LRRC4C: variants seen among roughly 807,000 people sequenced by gnomAD.
LRRC4C encodes leucine rich repeat containing 4C.
Under a neutral mutation model 33.6 loss-of-function variants are expected in LRRC4C, and 5 were observed. The observed-to-expected ratio is 0.15, with a 90% confidence interval of 0.08 to 0.31. The LOEUF is 0.31. LRRC4C is among the 10% of genes least tolerant of loss of function. The pLI, the probability that LRRC4C is intolerant of heterozygous loss-of-function variation, is 1.00. For missense variants in LRRC4C, 560 were observed against 796.7 expected, an observed-to-expected ratio of 0.70 and a Z score of 3.58; for synonymous variants, 329 against 302.0, an observed-to-expected ratio of 1.09 and a Z score of -0.93.
At chr11:40,321,804 C>T (rs1945861130) in intron 3 of LRRC4C, among the ~76,000 whole-genome samples, 1 of 152,234 alleles carries the variant, frequency 6.6e-6, no homozygotes, top group Non-Finnish European at 1.5e-5. Flanking sequence ...TTTTGCATTC[C>T]ATTTCAATTG....
chr11:41,050,680 C>G (rs907104091), intron 1 of LRRC4C, among the ~76,000 whole-genome samples: 10 of 152,038 alleles, frequency 6.6e-5, no homozygotes, highest in African/African-American at 2.4e-4. Flanking sequence ...ATTTTTTTAT[C>G]CAGTCTATCA....
chr11:40,575,205 G>GAGAA (rs1281771264), intron 3 of LRRC4C, among the ~76,000 whole-genome samples: 2 of 152,128 alleles, frequency 1.3e-5, no homozygotes, highest in African/African-American at 2.4e-5. Context: ...GTGAGTGAAA[G>GAGAA]AGAAAGAGCA....
At chr11:40,572,355 G>C (rs1314578729) in intron 3 of LRRC4C, among the ~76,000 whole-genome samples, 2 of 152,160 alleles carry the variant, frequency 1.3e-5, no homozygotes, top group Non-Finnish European at 2.9e-5. Flanking sequence ...AACAGCAGAT[G>C]TAGCAGTATA....
intron 2 of LRRC4C, among the ~76,000 whole-genome samples, chr11:40,744,869 T>C (rs755987114): frequency 1.8e-4 from 27 of 152,168 alleles, no homozygotes; most frequent in Admixed American, 3.3e-4. Flanking sequence ...AGTTTTCTTA[T>C]TGAGGGAAAT....
At chr11:40,411,067 G>A (rs1312733626) in intron 3 of LRRC4C, among the ~76,000 whole-genome samples, 3 of 152,066 alleles carry the variant, frequency 2.0e-5, no homozygotes, top group Non-Finnish European at 4.4e-5. Flanking sequence ...AAACAGGACT[G>A]TAATCTCCTG....
chr11:40,447,436 T>A (rs1399335619), intron 3 of LRRC4C, among the ~76,000 whole-genome samples: 3 of 152,164 alleles, frequency 2.0e-5, no homozygotes, highest in African/African-American at 7.2e-5. Flanking sequence ...GGATTATTTA[T>A]CTCAACTAAA....
intron 1 of LRRC4C, among the ~76,000 whole-genome samples, chr11:40,990,165 C>T (rs1236064059): frequency 2.1e-5 from 3 of 144,244 alleles, no homozygotes; most frequent in Non-Finnish European, 4.5e-5. Flanking sequence ...TTTTACAGTA[C>T]TACAACTGGA....
chr11:41,163,298 T>TTTTTTTTTTTTTC lies in LRRC4C; in HGVS notation c.-495-229576_-495-229575insGAAAAAAAAAAAA, dbSNP rs1456325870. On this transcript the variant is annotated intron_variant, in intron 1 of 6. Transcript: ENST00000528697. The stretch of plus-strand genomic sequence containing the variant: ...TTACTGTAACTGTTTTTTTTTTTTT[T>TTTTTTTTTTTTTC]TTTCAAACAGGGTCTTGCTCTGTCA... Among the ~76,000 whole-genome samples, 462 of 133,006 alleles carry TTTTTTTTTTTTTC rather than the reference T, an allele frequency of 3.5e-3. 37 individuals are homozygous for TTTTTTTTTTTTTC. The highest frequency in any genetic ancestry group is 5.8e-3 in the Non-Finnish European group (358 of 61,988). The allele number at this position is 133,006 out of a possible 152,430, so 87.3% of individuals were successfully genotyped here. A position where few individuals can be genotyped will look rare whatever the true frequency, so the allele number is the denominator to read the frequency against.
At chr11:40,435,165 T>C (rs1951094374) in intron 3 of LRRC4C, among the ~76,000 whole-genome samples, 1 of 152,148 alleles carries the variant, frequency 6.6e-6, no homozygotes, top group Admixed American at 6.5e-5. Flanking sequence ...CAGGCTTTGT[T>C]TATGCTTTAT....
intron 1 of LRRC4C, among the ~76,000 whole-genome samples, chr11:41,263,153 A>C (rs1311831759): frequency 6.6e-6 from 1 of 152,198 alleles, no homozygotes; most frequent in Non-Finnish European, 1.5e-5. Context: ...TTTACTAACC[A>C]AAACTGTTGG....
chr11:41,230,293 T>C (rs898712706), intron 1 of LRRC4C, among the ~76,000 whole-genome samples: 6 of 152,088 alleles, frequency 3.9e-5, no homozygotes, highest in Non-Finnish European at 7.4e-5. Flanking sequence ...AGAAGAGAAC[T>C]CATGATTTTT....
chr11:41,068,994 GATA>G (rs1938476711), intron 1 of LRRC4C, among the ~76,000 whole-genome samples: 2 of 152,104 alleles, frequency 1.3e-5, no homozygotes, highest in African/African-American at 4.8e-5. Context: ...CAATATTCCT[GATA>G]ATATCAATGC....
intron 5 of LRRC4C, among the ~76,000 whole-genome samples, chr11:40,185,502 A>G (rs545232795): frequency 2.0e-5 from 3 of 152,298 alleles, no homozygotes; most frequent in African/African-American, 7.2e-5. Context: ...GTTGCCACTT[A>G]TAATTTAGTT....
intron 1 of LRRC4C, among the ~76,000 whole-genome samples, chr11:41,272,859 A>G (rs560130182): frequency 6.6e-6 from 1 of 152,290 alleles, no homozygotes; most frequent in South Asian, 2.1e-4. Context: ...GAAACATTAC[A>G]TTGATGATTT....
At chr11:40,210,988 G>T (rs376062893) in intron 5 of LRRC4C, among the ~76,000 whole-genome samples, 54 of 152,162 alleles carry the variant, frequency 3.5e-4, no homozygotes, top group Middle Eastern at 3.4e-3. Flanking sequence ...TGTTGGCCAG[G>T]TTGGTTTCAA....
intron 1 of LRRC4C, among the ~76,000 whole-genome samples, chr11:41,341,270 G>GT (rs1474879246): frequency 6.6e-6 from 1 of 151,952 alleles, no homozygotes; most frequent in African/African-American, 2.4e-5. Flanking sequence ...AAAATATACT[G>GT]TAAGTGTTTT....
intron 1 of LRRC4C, among the ~76,000 whole-genome samples, chr11:41,395,018 T>G (rs556819707): frequency 6.6e-6 from 1 of 152,094 alleles, no homozygotes; most frequent in African/African-American, 2.4e-5. Context: ...GCTTCAATAA[T>G]GTCTGAAGGC....
chr11:40,969,266 T>A (rs575030237), intron 1 of LRRC4C, among the ~76,000 whole-genome samples: 225 of 137,298 alleles, frequency 1.6e-3, no homozygotes, highest in African/African-American at 5.6e-3. Context: ...TTTGAATGGT[T>A]AGGGAGTTGT....
At chr11:41,372,503 A>G (rs1952787357) in intron 1 of LRRC4C, among the ~76,000 whole-genome samples, 1 of 152,206 alleles carries the variant, frequency 6.6e-6, no homozygotes, top group African/African-American at 2.4e-5. Context: ...AGAAACAGGA[A>G]TGCTTGGTGT....
Sources: allele counts gnomAD v4.1 joint callset (sites outside exome capture counted in the v4.1 genomes callset), GRCh38; gene constraint gnomAD v4.1.1; transcripts MANE v1.5; gene names NCBI Gene and HGNC (gene_info 2026-07-23, HGNC 2026-07-21).